FAM149A: variants seen among roughly 807,000 people sequenced by gnomAD.
FAM149A encodes protein FAM149A.
Under a neutral mutation model 78.2 loss-of-function variants are expected in FAM149A, and 71 were observed. The observed-to-expected ratio is 0.91, with a 90% confidence interval of 0.75 to 1.11. The LOEUF (loss-of-function observed/expected upper bound fraction) is 1.11. FAM149A is among the 50% of genes least tolerant of loss of function. The pLI, the probability that FAM149A is intolerant of heterozygous loss-of-function variation, is 0.00. For synonymous variants in FAM149A, 446 were observed against 410.5 expected, an observed-to-expected ratio of 1.09 and a Z score of -1.04; for missense variants, 1,036 against 971.0, an observed-to-expected ratio of 1.07 and a Z score of -0.89.
chr4:186,158,417 A>G, intron 8 of FAM149A: 1 of 1,183,222 alleles, frequency 8.5e-7, no homozygotes, highest in South Asian at 1.8e-5. Context: ...CTGCTGGCTC[A>G]GGGAGTTCTG....
Position 186,106,191 on chromosome 4 carries a change from C to A in FAM149A, c.566+549C>A, listed in dbSNP as rs544088987. On this transcript the variant is annotated intron_variant, in intron 1 of 13. Transcript: ENST00000389354. ...AAATGGAGTTGTAATGGCCAGGACACGTCTGATTATTACCCTAGAGCTCCT... is the reference window on the plus strand; with the variant it reads ...AAATGGAGTTGTAATGGCCAGGACAAGTCTGATTATTACCCTAGAGCTCCT... Among the ~76,000 whole-genome samples the A allele has an allele frequency of 2.0e-5, 3 of 152,180 alleles. No homozygotes were observed. The South Asian group carries it at 6.2e-4, about 32-fold the overall frequency.
At chr4:186,158,789 C>G (rs1734280231) in intron 8 of FAM149A, 2 of 1,023,996 alleles carry the variant, frequency 2.0e-6, no homozygotes, top group Admixed American at 1.1e-4. Flanking sequence ...CAAGCCTGTT[C>G]TGCAGCTCCC....
intron 1 of FAM149A, among the ~76,000 whole-genome samples, chr4:186,111,496 C>A (rs1404878075): frequency 1.3e-5 from 2 of 152,004 alleles, no homozygotes; most frequent in Admixed American, 1.3e-4. Flanking sequence ...ATGGTAATAC[C>A]TAGGTTTTCT....
chr4:186,136,990 C>CTCTCTCTCTTTCTCTCTT (rs1561396482), intron 1 of FAM149A, among the ~76,000 whole-genome samples: 1 of 92,798 alleles, frequency 1.1e-5, no homozygotes, highest in African/African-American at 3.2e-5. Context: ...CTCTCTCTCT[C>CTCTCTCTCTTTCTCTCTT]TCTCTCTCTC....
At position 186,125,590 on chromosome 4, in the gene FAM149A, A is replaced by T. The variant is rs1715061; in HGVS notation, c.566+19948A>T. On this transcript the variant is annotated intron_variant, in intron 1 of 13. Transcript: ENST00000389354. The stretch of plus-strand genomic sequence containing the variant: ...GGTTTCTCACGAGAATTTGCACACG[A>T]GGTAAAGGGAGAGTCAACAGCACAG... The T allele has an allele frequency of 6.7e-5, 38 of 564,594 alleles. 2 individuals are homozygous for T. In the East Asian group the frequency reaches 4.4e-3, roughly 65 times the overall value. 35.0% of individuals were successfully genotyped at this position (564,594 alleles called of 1,614,324 possible).
chr4:186,132,081 C>A (rs1370243084), intron 1 of FAM149A: 3 of 985,338 alleles, frequency 3.0e-6, no homozygotes, highest in Non-Finnish European at 3.6e-6. Flanking sequence ...CTTAGCAACA[C>A]AGATAACACG....
chr4:186,153,540 T>C (rs1421037206), intron 4 of FAM149A, 105 bp from the exon 5 acceptor site: 62 of 1,513,014 alleles, frequency 4.1e-5, no homozygotes, highest in Non-Finnish European at 5.3e-5. Flanking sequence ...ATACACATCT[T>C]ATCATACACA....
intron 1 of FAM149A, among the ~76,000 whole-genome samples, chr4:186,106,911 T>C (rs940143662): frequency 1.6e-4 from 25 of 152,162 alleles, no homozygotes; most frequent in Non-Finnish European, 2.1e-4. Flanking sequence ...GATCGCACCA[T>C]TGCGCTCCAA....
intron 4 of FAM149A, chr4:186,153,386 C>G: frequency 1.0e-6 from 1 of 980,786 alleles, no homozygotes; most frequent in Non-Finnish European, 1.2e-6. Flanking sequence ...TGCAAGGTAA[C>G]CATTATTATC....
At chr4:186,167,869 C>T (rs1318644519) in intron 13 of FAM149A, among the ~76,000 whole-genome samples, 1 of 152,066 alleles carries the variant, frequency 6.6e-6, no homozygotes, top group Non-Finnish European at 1.5e-5. Context: ...CTGTGCAACC[C>T]TAGGAATGTC....
chr4:186,125,862 C>T (rs2099318108), intron 1 of FAM149A: 9 of 985,222 alleles, frequency 9.1e-6, no homozygotes, highest in South Asian at 4.7e-5. Flanking sequence ...GAAGAAGCAA[C>T]GTAGAGGAGT....
At chr4:186,167,599 A>C in intron 13 of FAM149A, 1 of 310,578 alleles carries the variant, frequency 3.2e-6, no homozygotes, top group Non-Finnish European at 6.3e-6. Context: ...TCTAAGTGAA[A>C]CTCTACTCTC....
intron 7 of FAM149A, among the ~76,000 whole-genome samples, chr4:186,156,490 A>G (rs769589257): frequency 4.7e-4 from 71 of 152,210 alleles, no homozygotes; most frequent in Non-Finnish European, 8.2e-4. Flanking sequence ...CCTGGCCAAC[A>G]TGATGAAAGC....
At chr4:186,152,878 G>A (rs961597745) in intron 4 of FAM149A, among the ~76,000 whole-genome samples, 1 of 152,208 alleles carries the variant, frequency 6.6e-6, no homozygotes, top group Non-Finnish European at 1.5e-5. Flanking sequence ...CTCAGCCAAC[G>A]TACTGGGGGA....
chr4:186,130,268 T>TCTCC lies in FAM149A; in HGVS notation c.567-18902_567-18901insCCTC, dbSNP rs1554068057. 5 of 29,200 alleles carry TCTCC rather than the reference T, an allele frequency of 1.7e-4. No homozygotes were observed. In the East Asian group the frequency reaches 4.1e-3, roughly 24 times the overall value. The allele number at this position is 29,200 out of a possible 1,614,324, so 1.8% of individuals were successfully genotyped here. A position where few individuals can be genotyped will look rare whatever the true frequency, so the allele number is the denominator to read the frequency against. Reference sequence around the variant, plus strand: ...CTAAAATTGGACTTTATGAAATCTCTCTCTCTCTCTCTCTCTCTCTCTCTC... The same window carrying TCTCC: ...CTAAAATTGGACTTTATGAAATCTCTCTCCCTCTCTCTCTCTCTCTCTCTCTCTC... On this transcript the variant is annotated intron_variant, in intron 1 of 13. Transcript: ENST00000389354.
Position 186,125,193 on chromosome 4 carries a change from G to A in FAM149A, c.566+19551G>A, listed in dbSNP as rs1561390051. The stretch of plus-strand genomic sequence containing the variant: ...GGACTATTGGAAATCCTTGCTGTTG[G>A]CATCTCACAAACCTTTTCCTTTCTC... On this transcript the variant is annotated intron_variant, in intron 1 of 13. Transcript: ENST00000389354. 3 of 903,876 alleles carry A rather than the reference G, an allele frequency of 3.3e-6. No homozygotes were observed. In the East Asian group the frequency reaches 3.6e-4, roughly 108 times the overall value. 56.0% of individuals were successfully genotyped at this position (903,876 alleles called of 1,614,324 possible).
At chr4:186,120,946 C>T (rs914305980) in intron 1 of FAM149A, among the ~76,000 whole-genome samples, 2 of 148,310 alleles carry the variant, frequency 1.3e-5, no homozygotes, top group Admixed American at 6.7e-5. Context: ...CTCCGCCTCC[C>T]GGATTCACGC....
At chr4:186,154,916 C>G in intron 6 of FAM149A, 1 of 984,974 alleles carries the variant, frequency 1.0e-6, no homozygotes, top group Non-Finnish European at 1.2e-6. Flanking sequence ...CCTGGCTGCC[C>G]AAAAGGGCCT....
At chr4:186,129,171 GTC>G (rs2099319583) in intron 1 of FAM149A, among the ~76,000 whole-genome samples, 1 of 146,944 alleles carries the variant, frequency 6.8e-6, no homozygotes, top group Non-Finnish European at 1.5e-5. Flanking sequence ...GTGTGTATGT[GTC>G]TCTGTGTCTG....
Sources: allele counts gnomAD v4.1 joint callset (sites outside exome capture counted in the v4.1 genomes callset), GRCh38; gene constraint gnomAD v4.1.1; transcripts MANE v1.5; gene names NCBI Gene and HGNC (gene_info 2026-07-23, HGNC 2026-07-21).